The following EXTL3 variants were observed in gnomAD, a reference collection of about 807,000 sequenced individuals.
EXTL3 encodes exostosin like glycosyltransferase 3.
EXTL3 carries 27 observed loss-of-function variants against 69.3 expected under a neutral mutation model. The observed-to-expected ratio is 0.39, with a 90% confidence interval of 0.29 to 0.54. The LOEUF (loss-of-function observed/expected upper bound fraction) is 0.54. EXTL3 is among the 20% of genes least tolerant of loss of function. The pLI is 0.69. For missense variants in EXTL3, 1,003 were observed against 1,231.8 expected, an observed-to-expected ratio of 0.81 and a Z score of 2.78; for synonymous variants, 511 against 499.4, an observed-to-expected ratio of 1.02 and a Z score of -0.31.
At position 28,649,919 on chromosome 8, in the gene EXTL3, G is replaced by A. The variant is rs192751344; in HGVS notation, c.-53+27109G>A. 1.4e-3 allele frequency among the ~76,000 whole-genome samples: 209 copies of A among 152,014 alleles called. 1 individual carries two copies. Among genetic ancestry groups the A allele is most frequent in the African/African-American group, 4.8e-3 (197 of 41,460 alleles). On this transcript the variant is annotated intron_variant, in intron 1 of 6. Transcript: ENST00000523149. ...AAAATATAGATGTTGTTGAAAGCCCGGGCACGGTGGGTCACACCTGTAATT... is the reference window on the plus strand; with the variant it reads ...AAAATATAGATGTTGTTGAAAGCCCAGGCACGGTGGGTCACACCTGTAATT...
Position 28,615,973 on chromosome 8 carries a change from A to G in EXTL3, n.314+8215A>G, listed in dbSNP as rs181665452. On this transcript the variant is annotated intron_variant and non_coding_transcript_variant, in intron 2 of 4. Coordinates refer to the EXTL3 transcript ENST00000522725. ...CAGTAGGCCAGGCACAGTGGCTCAC[A>G]CCTGTAATCTCGGCAGTTTGGGAGG... 2.8e-3 allele frequency among the ~76,000 whole-genome samples: 426 copies of G among 151,610 alleles called. 2 individuals are homozygous for G. Among genetic ancestry groups the G allele is most frequent in the African/African-American group, 8.8e-3 (364 of 41,326 alleles).
intron 1 of EXTL3, among the ~76,000 whole-genome samples, chr8:28,645,270 G>A (rs990286953): frequency 3.3e-5 from 5 of 152,176 alleles, no homozygotes; most frequent in African/African-American, 1.2e-4. Context: ...CTTTGACCCA[G>A]CAAGTCTACT....
intron 6 of EXTL3, among the ~76,000 whole-genome samples, chr8:28,747,274 T>C (rs10448080): frequency 0.33 from 50,811 of 151,984 alleles, 9,179 homozygotes; most frequent in African/African-American, 0.48. Flanking sequence ...GCTGACGTGA[T>C]CCCGAAGGGT....
intron 4 of EXTL3, among the ~76,000 whole-genome samples, chr8:28,733,984 A>G (rs893429935): frequency 1.3e-5 from 2 of 151,508 alleles, no homozygotes; most frequent in Non-Finnish European, 2.9e-5. Context: ...TGCCTGGCTA[A>G]TGTTTGTATT....
intron 1 of EXTL3, among the ~76,000 whole-genome samples, chr8:28,646,959 C>T (rs1806840113): frequency 6.6e-6 from 1 of 152,126 alleles, no homozygotes; most frequent in South Asian, 2.1e-4. Flanking sequence ...TACTGTGGGC[C>T]AGTGTTCTAG....
intron 1 of EXTL3, among the ~76,000 whole-genome samples, chr8:28,658,774 T>C (rs1029093774): frequency 5.3e-5 from 8 of 152,136 alleles, no homozygotes; most frequent in Non-Finnish European, 7.4e-5. Context: ...AGAGATGGGG[T>C]TGTGTTGTGT....
intron 1 of EXTL3, among the ~76,000 whole-genome samples, chr8:28,701,904 C>T (rs1043866488): frequency 1.3e-5 from 2 of 152,168 alleles, no homozygotes; most frequent in African/African-American, 4.8e-5. Context: ...GCCGGGAGGG[C>T]TAACGGGTCC....
At chr8:28,741,419 T>C (rs1172114798) in intron 5 of EXTL3, 1 of 152,206 alleles carries the variant, frequency 6.6e-6, no homozygotes, top group African/African-American at 2.4e-5. Flanking sequence ...TTGAATTACC[T>C]TTTTTAAAAA....
Position 28,736,943 on chromosome 8 carries a change from C to G in EXTL3, c.2277-576C>G, listed in dbSNP as rs76076522. 2.5e-3 allele frequency among the ~76,000 whole-genome samples: 375 copies of G among 152,266 alleles called. 7 individuals are homozygous for G. In the East Asian group the frequency reaches 0.057, roughly 23 times the overall value. ...TCAGCCTCCCAAGTAGCTGGTAGTA[C>G]AGGTGTGCTCCACCATACCCAGCTA... On this transcript the variant is annotated intron_variant, in intron 4 of 6. Coordinates refer to ENST00000220562, the MANE Select transcript of EXTL3 (RefSeq NM_001440.4).
chr8:28,644,624 A>G (rs1468702944), intron 1 of EXTL3, among the ~76,000 whole-genome samples: 1 of 152,144 alleles, frequency 6.6e-6, no homozygotes, highest in Non-Finnish European at 1.5e-5. Context: ...GCTTAAGCCC[A>G]GGAGTGCAAG....
At chr8:28,699,000 A>T (rs928441606), upstream of EXTL3, among the ~76,000 whole-genome samples, 1 of 152,098 alleles carries the variant, frequency 6.6e-6, no homozygotes, top group Non-Finnish European at 1.5e-5. Flanking sequence ...TCTCAAAACA[A>T]AAACAAAAAC....
upstream of EXTL3, chr8:28,699,936 A>C (rs886410028): frequency 5.3e-5 from 8 of 152,214 alleles, no homozygotes; most frequent in African/African-American, 1.9e-4. Flanking sequence ...TGTGGAGATG[A>C]ACCAAGGCCT....
intron 1 of EXTL3, among the ~76,000 whole-genome samples, chr8:28,651,486 C>T (rs762729608): frequency 6.6e-5 from 10 of 152,014 alleles, no homozygotes; most frequent in Admixed American, 2.0e-4. Context: ...CCACCACACC[C>T]GGCTAATTTT....
Position 28,727,842 on chromosome 8 carries a change from C to CTCCTAGGG in EXTL3, c.2149-3376_2149-3375insGGGTCCTA, listed in dbSNP as rs574622067. ...TCAGTGGGCTTGGGGTGTGCCTGCA[C>CTCCTAGGG]TCCTACAGGCTCCGGTGGTGTGTGC... On this transcript the variant is annotated intron_variant, in intron 3 of 6. Transcript: ENST00000220562. Among the ~76,000 whole-genome samples, 28 of 152,304 alleles carry CTCCTAGGG rather than the reference C, an allele frequency of 1.8e-4. No homozygotes were observed. In the East Asian group the frequency reaches 5.2e-3, roughly 28 times the overall value.
At chr8:28,726,484 G>T (rs1801415106) in intron 3 of EXTL3, among the ~76,000 whole-genome samples, 2 of 152,180 alleles carry the variant, frequency 1.3e-5, no homozygotes, top group Non-Finnish European at 2.9e-5. Context: ...CTTAGGTAAT[G>T]AACTATAGTT....
intron 2 of EXTL3, among the ~76,000 whole-genome samples, chr8:28,613,845 G>A (rs545832615): frequency 1.7e-4 from 23 of 135,258 alleles, no homozygotes; most frequent in African/African-American, 6.3e-4. Flanking sequence ...AGTCACAGGT[G>A]TATTTTTTTT....
intron 1 of EXTL3, among the ~76,000 whole-genome samples, chr8:28,658,534 C>G (rs1408584519): frequency 6.6e-6 from 1 of 152,170 alleles, no homozygotes; most frequent in African/African-American, 2.4e-5. Context: ...TGTTCCCCCC[C>G]TGCCCCCGCA....
At chr8:28,691,572 AT>A (rs71222571) in intron 1 of EXTL3, among the ~76,000 whole-genome samples, 28 of 135,440 alleles carry the variant, frequency 2.1e-4, no homozygotes, top group South Asian at 2.2e-4. Context: ...AGTTTTTGTG[AT>A]TTTTTTTTTT....
chr8:28,707,520 G>A (rs1367313513), intron 1 of EXTL3, among the ~76,000 whole-genome samples: 2 of 152,228 alleles, frequency 1.3e-5, no homozygotes, highest in Admixed American at 6.5e-5. Context: ...GACTTTCTGC[G>A]TTAGCTAAGG....
Sources: gnomAD v4.1 joint callset for allele counts (sites outside exome capture counted in the v4.1 genomes callset) on GRCh38, gnomAD v4.1.1 for gene constraint, MANE v1.5 for transcripts, NCBI Gene and HGNC (gene_info 2026-07-23, HGNC 2026-07-21) for gene names.